The following IRAK1BP1 variants were observed in gnomAD, a reference collection of about 807,000 sequenced individuals.
IRAK1BP1 encodes the protein interleukin 1 receptor associated kinase 1 binding protein 1, also known as interleukin-1 receptor-associated kinase 1-binding protein 1.
IRAK1BP1 carries 24 observed loss-of-function variants against 28.0 expected under a neutral mutation model. The ratio of observed to expected loss-of-function variants is 0.86; its 90% CI spans 0.62 to 1.20. The LOEUF (loss-of-function observed/expected upper bound fraction) is 1.20. IRAK1BP1 is among the 50% of genes most tolerant of loss of function. IRAK1BP1 has a pLI of 0.00. For missense variants in IRAK1BP1, 336 were observed against 316.7 expected (o/e 1.06, Z -0.46); for synonymous variants, 131 against 116.3 (o/e 1.13, Z -0.81).
At chr6:78,922,910 G>C (rs143641803) in intron 4 of IRAK1BP1, among the ~76,000 whole-genome samples, 2 of 152,060 alleles carry the variant, frequency 1.3e-5, no homozygotes, top group Non-Finnish European at 2.9e-5. Context: ...CCCTACAAGA[G>C]CTCCTGAAGG....
chr6:78,878,022 C>T lies in IRAK1BP1; in HGVS notation c.316-7356C>T, dbSNP rs187105799. ...AGCTCAAACTGGGTGGATCCCACCA[C>T]AGCTCAAGGAGACCTGCCTGCCACT... On this transcript the variant is annotated intron_variant, in intron 1 of 3. Transcript: ENST00000369940. Among the ~76,000 whole-genome samples, 38 of 152,102 alleles carry T rather than the reference C, an allele frequency of 2.5e-4. No individual in the cohort carries two copies. The South Asian group carries it at 7.5e-3, about 30-fold the overall frequency.
chr6:78,917,362 A>G (rs1346280163), intron 4 of IRAK1BP1, among the ~76,000 whole-genome samples: 1 of 152,032 alleles, frequency 6.6e-6, no homozygotes, highest in Admixed American at 6.6e-5. Flanking sequence ...TAGCCAGACA[A>G]AAGTAAAGAA....
rs565159161 is a variant in IRAK1BP1 at position 78,877,847 on chromosome 6, C to T, written c.316-7531C>T. Among the ~76,000 whole-genome samples, 658 of 152,246 alleles carry T rather than the reference C, an allele frequency of 4.3e-3. 2 individuals carry two copies. Among genetic ancestry groups the T allele is most frequent in the African/African-American group, 0.014 (597 of 41,542 alleles). On this transcript the variant is annotated intron_variant, in intron 1 of 3. Coordinates refer to ENST00000369940, the MANE Select transcript of IRAK1BP1 (RefSeq NM_001010844.4). Reference sequence around the variant, plus strand: ...AACGACACACCAGGAGATTATATCCCGCACCTGGCTCAGAGGGTCCCACAC... The same window carrying T: ...AACGACACACCAGGAGATTATATCCTGCACCTGGCTCAGAGGGTCCCACAC...
chr6:78,952,361 G>C, the IRAK1BP1 span, among the ~76,000 whole-genome samples: 2 of 148,738 alleles, frequency 1.3e-5, no homozygotes, highest in African/African-American at 5.0e-5. Flanking sequence ...AGAGTTTGTA[G>C]TGAGCCGAGA....
the IRAK1BP1 span, among the ~76,000 whole-genome samples, chr6:78,953,131 TC>T: frequency 2.1e-4 from 32 of 152,206 alleles, no homozygotes; most frequent in African/African-American, 7.2e-4. Context: ...AAATTTGGAT[TC>T]TAAGTCCATG....
intron 4 of IRAK1BP1, among the ~76,000 whole-genome samples, chr6:78,911,890 ATTG>A (rs886225392): frequency 5.3e-5 from 8 of 152,056 alleles, no homozygotes; most frequent in African/African-American, 9.7e-5. Context: ...AGGCACCCTT[ATTG>A]TTGTTGTTGG....
intron 4 of IRAK1BP1, among the ~76,000 whole-genome samples, chr6:78,922,834 G>A (rs1443777772): frequency 3.3e-5 from 5 of 152,134 alleles, no homozygotes; most frequent in Non-Finnish European, 5.9e-5. Context: ...AGCTTCAGAA[G>A]TGAAGGAGAA....
chr6:78,971,845 AAATTATAT>A, the IRAK1BP1 span, among the ~76,000 whole-genome samples: 1 of 152,194 alleles, frequency 6.6e-6, no homozygotes, highest in Non-Finnish European at 1.5e-5. Context: ...GCGCACCACG[AAATTATAT>A]CCCGCACCTG....
chr6:78,954,194 C>T, the IRAK1BP1 span, among the ~76,000 whole-genome samples: 17 of 151,850 alleles, frequency 1.1e-4, no homozygotes, highest in South Asian at 2.5e-3. Flanking sequence ...CTCCACCTCC[C>T]GGGTTCACGC....
chr6:78,946,844 A>G, downstream of IRAK1BP1: 1 of 1,582,412 alleles, frequency 6.3e-7, no homozygotes, highest in Non-Finnish European at 8.6e-7. Flanking sequence ...TCTTCAAAGA[A>G]AGCAGACAGG....
At chr6:78,903,850 A>G (rs1281517113), downstream of IRAK1BP1, among the ~76,000 whole-genome samples, 1 of 152,152 alleles carries the variant, frequency 6.6e-6, no homozygotes, top group Non-Finnish European at 1.5e-5. Flanking sequence ...AAAGAGTAAA[A>G]TACAGACATA....
intron 4 of IRAK1BP1, among the ~76,000 whole-genome samples, chr6:78,916,835 T>G (rs1772573025): frequency 6.6e-6 from 1 of 151,892 alleles, no homozygotes; most frequent in Admixed American, 6.6e-5. Context: ...TCCCAGCTGC[T>G]TGGGAGGCTG....
intron 4 of IRAK1BP1, among the ~76,000 whole-genome samples, chr6:78,919,065 A>G (rs1343751925): frequency 1.3e-5 from 2 of 152,356 alleles, no homozygotes; most frequent in Non-Finnish European, 2.9e-5. Context: ...AAACCACACA[A>G]TTACAGGGAA....
At chr6:78,948,818 T>C (rs2063123), downstream of IRAK1BP1, among the ~76,000 whole-genome samples, 50,154 of 152,018 alleles carry the variant, frequency 0.33, 9,862 homozygotes, top group East Asian at 0.69. Flanking sequence ...AGTCCCTCAG[T>C]ATGCGACTAT....
chr6:78,928,296 T>C (rs944314383), intron 4 of IRAK1BP1, among the ~76,000 whole-genome samples: 1 of 152,128 alleles, frequency 6.6e-6, no homozygotes, highest in Non-Finnish European at 1.5e-5. Flanking sequence ...GATTATTTGT[T>C]TGACTTCTTT....
chr6:78,960,102 A>G, the IRAK1BP1 span, among the ~76,000 whole-genome samples: 1 of 152,180 alleles, frequency 6.6e-6, no homozygotes, highest in Admixed American at 6.6e-5. Flanking sequence ...ACAAGCCCAG[A>G]AAAAGATGAA....
At chr6:78,869,698 T>G (rs1199779944) in intron 1 of IRAK1BP1, among the ~76,000 whole-genome samples, 9 of 152,302 alleles carry the variant, frequency 5.9e-5, no homozygotes, top group Admixed American at 3.3e-4. Context: ...CAGAATGAAT[T>G]ATGGGTCTTC....
chr6:78,918,398 A>G (rs1033650095), intron 4 of IRAK1BP1, among the ~76,000 whole-genome samples: 3 of 152,254 alleles, frequency 2.0e-5, no homozygotes, highest in African/African-American at 7.2e-5. Context: ...AGAGGCAGAG[A>G]CAAGTTGAAG....
the IRAK1BP1 span, among the ~76,000 whole-genome samples, chr6:78,974,836 C>A: frequency 6.6e-6 from 1 of 150,914 alleles, no homozygotes. Flanking sequence ...GAAGTTGAAT[C>A]TCTGAATAGA....
Sources: allele counts gnomAD v4.1 joint callset (sites outside exome capture counted in the v4.1 genomes callset), GRCh38; gene constraint gnomAD v4.1.1; transcripts MANE v1.5; gene names NCBI Gene and HGNC (gene_info 2026-07-23, HGNC 2026-07-21).